STAU2: variants seen among roughly 807,000 people sequenced by gnomAD.
STAU2 encodes double-stranded RNA-binding protein Staufen homolog 2.
A neutral mutation model predicts 65.9 loss-of-function variants in STAU2; 20 were observed. The ratio of observed to expected loss-of-function variants is 0.30; its 90% CI spans 0.21 to 0.44. The LOEUF (loss-of-function observed/expected upper bound fraction) is 0.44. Ranked by LOEUF, STAU2 falls within the 20% of genes least tolerant of loss-of-function variation. The probability of loss-of-function intolerance (pLI) is 1.00; values close to 1 mark genes in which losing one functional copy is unlikely to be tolerated. For synonymous variants in STAU2, 232 were observed against 233.9 expected (o/e 0.99, Z 0.07); for missense variants, 558 against 683.9 (o/e 0.82, Z 2.05).
chr8:73,674,014 A>G (rs1285971475), intron 5 of STAU2, among the ~76,000 whole-genome samples: 1 of 151,816 alleles, frequency 6.6e-6, no homozygotes, highest in East Asian at 1.9e-4. Context: ...TTAAACGAAA[A>G]AAAGCAAGGT....
chr8:73,439,463 C>T (rs1295592529), intron 13 of STAU2, among the ~76,000 whole-genome samples: 1 of 152,136 alleles, frequency 6.6e-6, no homozygotes, highest in Non-Finnish European at 1.5e-5. Context: ...CTGAAAAATA[C>T]AAAAATTAGC....
intron 13 of STAU2, among the ~76,000 whole-genome samples, chr8:73,462,045 G>C (rs1272442044): frequency 2.7e-5 from 4 of 150,886 alleles, no homozygotes; most frequent in Non-Finnish European, 5.9e-5. Context: ...ACATCTATCG[G>C]TAAAAAAATT....
intron 6 of STAU2, among the ~76,000 whole-genome samples, chr8:73,656,626 T>C (rs1816398315): frequency 6.6e-6 from 1 of 152,250 alleles, no homozygotes; most frequent in African/African-American, 2.4e-5. Context: ...AATATCCTTT[T>C]GCTGAAATAA....
chr8:73,652,655 G>A (rs749965789), intron 6 of STAU2: 1 of 151,882 alleles, frequency 6.6e-6, no homozygotes, highest in Admixed American at 6.6e-5. Flanking sequence ...AACCTGGGAG[G>A]TGGAAGTTGC....
At chr8:73,705,434 G>A (rs1820443516) in intron 4 of STAU2, among the ~76,000 whole-genome samples, 1 of 152,110 alleles carries the variant, frequency 6.6e-6, no homozygotes, top group Non-Finnish European at 1.5e-5. Context: ...CAATTTACTT[G>A]AAACTTAGCC....
chr8:73,470,714 G>A (rs1819946221), intron 13 of STAU2, among the ~76,000 whole-genome samples: 1 of 152,002 alleles, frequency 6.6e-6, no homozygotes, highest in Admixed American at 6.6e-5. Flanking sequence ...TGAAGTGGGA[G>A]GATTGCCTAA....
intron 9 of STAU2, among the ~76,000 whole-genome samples, chr8:73,611,200 T>C (rs1005961322): frequency 4.6e-5 from 7 of 152,176 alleles, no homozygotes; most frequent in Admixed American, 1.3e-4. Flanking sequence ...TACTGACATA[T>C]TATAAGGTAT....
chr8:73,647,164 G>A (rs1427193702), intron 6 of STAU2, among the ~76,000 whole-genome samples: 1 of 152,158 alleles, frequency 6.6e-6, no homozygotes, highest in African/African-American at 2.4e-5. Flanking sequence ...CTGGAAAATA[G>A]TGTAGCAGTT....
intron 3 of STAU2, among the ~76,000 whole-genome samples, chr8:73,718,113 T>C (rs1030191103): frequency 2.0e-5 from 3 of 152,236 alleles, no homozygotes; most frequent in African/African-American, 7.2e-5. Context: ...ATTAGGTTCT[T>C]GCAAGCTTCT....
chr8:73,521,638 T>C (rs1233038824), intron 13 of STAU2, among the ~76,000 whole-genome samples: 1 of 152,200 alleles, frequency 6.6e-6, no homozygotes, highest in Non-Finnish European at 1.5e-5. Flanking sequence ...TTGAACTTCC[T>C]GGGCTAGTAA....
intron 10 of STAU2, among the ~76,000 whole-genome samples, chr8:73,598,446 T>G (rs892766024): frequency 1.3e-5 from 2 of 151,958 alleles, no homozygotes; most frequent in African/African-American, 2.4e-5. Context: ...CCAGGATGGT[T>G]TCGATCTCCT....
chr8:73,552,325 A>G lies in STAU2; in HGVS notation c.1223-6T>C, dbSNP rs549886601. The G allele has an allele frequency of 6.2e-7, 1 of 1,606,190 alleles. No homozygotes were observed. The highest frequency in any genetic ancestry group is 1.7e-5 in the Admixed American group (1 of 58,642). ...ATGAAGAATTCCTTTTGGAGCTATA[A>G]ATAAAATGAAGAACACTGTTATTAC... On this transcript the variant is annotated splice_polypyrimidine_tract_variant and splice_region_variant and intron_variant, in intron 12 of 14. Coordinates refer to ENST00000524300, the MANE Select transcript of STAU2 (RefSeq NM_001164380.2).
chr8:73,486,657 ATTT>A (rs10616687), intron 13 of STAU2, among the ~76,000 whole-genome samples: 16,350 of 136,390 alleles, frequency 0.12, 1,478 homozygotes, highest in African/African-American at 0.26. Flanking sequence ...ATATATATAT[ATTT>A]TTTTTTTTTT....
At chr8:73,651,153 C>T in intron 6 of STAU2, 2 of 1,251,456 alleles carry the variant, frequency 1.6e-6, no homozygotes, top group Admixed American at 4.0e-5. Context: ...GCCTCCCTGG[C>T]CCGGACCAGG....
chr8:73,449,720 T>C (rs1818690015), intron 13 of STAU2, among the ~76,000 whole-genome samples: 2 of 152,164 alleles, frequency 1.3e-5, no homozygotes, highest in Admixed American at 6.5e-5. Context: ...CCCTCTTGAC[T>C]AAGCTCCTAC....
At chr8:73,492,024 G>C (rs1821177979) in intron 13 of STAU2, among the ~76,000 whole-genome samples, 1 of 151,860 alleles carries the variant, frequency 6.6e-6, no homozygotes, top group South Asian at 2.1e-4. Context: ...GAGAAAGAGA[G>C]AGAGTTAATG....
chr8:73,464,599 C>A (rs895416086), intron 13 of STAU2, among the ~76,000 whole-genome samples: 1 of 100,224 alleles, frequency 1.0e-5, no homozygotes, highest in African/African-American at 3.9e-5. Context: ...TGTGTGCACG[C>A]GCACACACAC....
intron 12 of STAU2, among the ~76,000 whole-genome samples, chr8:73,568,616 A>G (rs1160510543): frequency 6.6e-6 from 1 of 152,234 alleles, no homozygotes; most frequent in Non-Finnish European, 1.5e-5. Context: ...CTCAAAAAAA[A>G]AAAGACAACG....
intron 13 of STAU2, among the ~76,000 whole-genome samples, chr8:73,426,116 C>G (rs1454883247): frequency 1.3e-5 from 2 of 152,174 alleles, no homozygotes; most frequent in Non-Finnish European, 2.9e-5. Flanking sequence ...GTATCCTCTC[C>G]CCATGTCTAC....
Sources: gnomAD v4.1 joint callset for allele counts (sites outside exome capture counted in the v4.1 genomes callset) on GRCh38, gnomAD v4.1.1 for gene constraint, MANE v1.5 for transcripts, NCBI Gene and HGNC (gene_info 2026-07-23, HGNC 2026-07-21) for gene names.